CRYL1: variants seen among roughly 807,000 people sequenced by gnomAD.
CRYL1 encodes crystallin lambda 1, also known as lambda-crystallin homolog.
A neutral mutation model predicts 36.6 loss-of-function variants in CRYL1; 29 were observed. The observed-to-expected ratio is 0.79, with a 90% CI of 0.59 to 1.08. CRYL1 has a LOEUF of 1.08. Among genes scored for constraint, CRYL1 ranks in the 50% least tolerant of loss-of-function variants. The probability of loss-of-function intolerance (pLI) is 0.00; values close to 1 mark genes in which losing one functional copy is unlikely to be tolerated. For missense variants in CRYL1, 411 were observed against 407.9 expected, an observed-to-expected ratio of 1.01 and a Z score of -0.06; for synonymous variants, 152 against 151.5, an observed-to-expected ratio of 1.00 and a Z score of -0.02.
At chr13:20,445,274 G>A (rs557673871) in intron 3 of CRYL1, among the ~76,000 whole-genome samples, 2 of 152,098 alleles carry the variant, frequency 1.3e-5, no homozygotes, top group Non-Finnish European at 2.9e-5. Context: ...CAAAAGCACA[G>A]ACAAAATGGC....
rs573288170 is a variant in CRYL1, at chr13:20,410,325, T to C, written c.739+2957A>G. On this transcript the variant is annotated intron_variant, in intron 6 of 7. Transcript: ENST00000298248. ...GCATATTCTCACTCATAGGTGGGAA[T>C]TGAACAATGAGAACACATGAACACA... is the stretch of plus-strand genomic sequence containing the variant. Among the ~76,000 whole-genome samples the C allele has an allele frequency of 3.4e-3, 492 of 144,290 alleles. 3 individuals are homozygous for C. Among genetic ancestry groups the C allele is most frequent in the African/African-American group, 0.012 (474 of 38,808 alleles). The allele number at this position is 144,290 out of a possible 152,430, so 94.7% of individuals were successfully genotyped here. A position where few individuals can be genotyped will look rare whatever the true frequency, so the allele number is the denominator to read the frequency against.
chr13:20,507,320 A>G (rs1276246143), intron 2 of CRYL1, among the ~76,000 whole-genome samples: 1 of 152,222 alleles, frequency 6.6e-6, no homozygotes, highest in Non-Finnish European at 1.5e-5. Context: ...TTGGAATACA[A>G]CCACCTCTAT....
intron 4 of CRYL1, among the ~76,000 whole-genome samples, chr13:20,434,303 C>T (rs2137394198): frequency 6.6e-6 from 1 of 152,284 alleles, no homozygotes; most frequent in South Asian, 2.1e-4. Flanking sequence ...AGGAACTTTC[C>T]TGTCTTACAA....
In CRYL1 at chr13:20,483,457, C is replaced by T. The variant is rs143550543; in HGVS notation, c.276+5913G>A. Among the ~76,000 whole-genome samples the T allele has an allele frequency of 6.5e-3, 985 of 152,122 alleles. 7 individuals carry two copies. The highest frequency in any genetic ancestry group is 0.022 in the African/African-American group (928 of 41,512). On this transcript the variant is annotated intron_variant, in intron 3 of 7. Coordinates refer to ENST00000298248, the MANE Select transcript of CRYL1 (RefSeq NM_015974.3). ...CCATCTGGACTGACCATATCATCAACATGAAGTCAGCTTTCTCACTTGGAC... is the reference window on the plus strand; with the variant it reads ...CCATCTGGACTGACCATATCATCAATATGAAGTCAGCTTTCTCACTTGGAC...
At chr13:20,443,051 C>T (rs3897244) in intron 3 of CRYL1, among the ~76,000 whole-genome samples, 6 of 152,170 alleles carry the variant, frequency 3.9e-5, no homozygotes, top group African/African-American at 1.2e-4. Flanking sequence ...AGGGAAGAAA[C>T]GACATGATGC....
chr13:20,488,246 T>C (rs1298098669), intron 3 of CRYL1, among the ~76,000 whole-genome samples: 1 of 152,226 alleles, frequency 6.6e-6, no homozygotes, highest in Non-Finnish European at 1.5e-5. Context: ...ACTCCTCTTA[T>C]AGCACCTGCA....
rs73445932 is a variant in CRYL1, at chr13:20,482,850, T to C, written c.276+6520A>G. ...CTAAATAGTAATAATTTTCTTTTTA[T>C]AAGAAAACCACAGCAACATATTTTA... is the stretch of plus-strand genomic sequence containing the variant. On this transcript the variant is annotated intron_variant, in intron 3 of 7. Coordinates refer to ENST00000298248, the MANE Select transcript of CRYL1 (RefSeq NM_015974.3). Among the ~76,000 whole-genome samples, 481 of 152,280 alleles carry C rather than the reference T, an allele frequency of 3.2e-3. 1 individual carries two copies. Among genetic ancestry groups the C allele is most frequent in the African/African-American group, 0.01 (430 of 41,562 alleles).
intron 2 of CRYL1, among the ~76,000 whole-genome samples, chr13:20,497,404 CCACA>C (rs2033627714): frequency 7.2e-6 from 1 of 138,150 alleles, no homozygotes; most frequent in African/African-American, 2.6e-5. Flanking sequence ...ACACACACCA[CCACA>C]CACACAACTA....
rs372212492 is a variant in CRYL1, at chr13:20,516,806, T to C, written c.42-4256A>G. On this transcript the variant is annotated intron_variant, in intron 1 of 7. Transcript: ENST00000298248. ...AAAGATAATTTTGAACAGGCCTGGC[T>C]CACACCTGTAATTCCAGGACTTTGG... 7.6e-4 allele frequency among the ~76,000 whole-genome samples: 116 copies of C among 152,256 alleles called. 2 individuals are homozygous for C. In the South Asian group the frequency reaches 0.023, roughly 30 times the overall value.
In CRYL1 at chr13:20,403,918, C is replaced by T. The variant is rs754265555; in HGVS notation, c.*211G>A. Reference sequence around the variant, plus strand: ...GGCAGGAAATCGACAGCCCCGAGAACGCAAGTGCTGCTGTGCCGCCAGGCC... The same window carrying T: ...GGCAGGAAATCGACAGCCCCGAGAATGCAAGTGCTGCTGTGCCGCCAGGCC... On this transcript the variant is annotated 3_prime_UTR_variant, in exon 8 of 8. Coordinates refer to ENST00000298248, the MANE Select transcript of CRYL1 (RefSeq NM_015974.3). 2.0e-5 allele frequency: 8 copies of T among 400,936 alleles called. No homozygotes were observed. Among genetic ancestry groups the T allele is most frequent in the Non-Finnish European group, 3.1e-5 (7 of 225,710 alleles). 24.8% of individuals were successfully genotyped at this position (400,936 alleles called of 1,614,324 possible).
chr13:20,470,465 TTC>T (rs1196362542), intron 3 of CRYL1, among the ~76,000 whole-genome samples: 2 of 152,200 alleles, frequency 1.3e-5, no homozygotes, highest in Non-Finnish European at 2.9e-5. Flanking sequence ...TCTGAGGACT[TTC>T]TATTTTTCCA....
At chr13:20,440,227 T>A (rs2137403482) in intron 3 of CRYL1, among the ~76,000 whole-genome samples, 1 of 152,320 alleles carries the variant, frequency 6.6e-6, no homozygotes, top group East Asian at 1.9e-4. Flanking sequence ...TGTCTTGGGG[T>A]CTACACTTTC....
chr13:20,420,702 TG>T (rs1224435728), intron 5 of CRYL1, among the ~76,000 whole-genome samples: 38,942 of 93,234 alleles, frequency 0.42, 15,154 homozygotes, highest in East Asian at 0.63. Flanking sequence ...AAATAGAGGT[TG>T]TGTGTGTGTG....
chr13:20,420,702 T>TTTTTTTTTTTTTTTTTTTTTTTTG lies in CRYL1; in HGVS notation c.634-7316_634-7315insCAAAAAAAAAAAAAAAAAAAAAAA, dbSNP rs377096169. On this transcript the variant is annotated intron_variant, in intron 5 of 7. Coordinates refer to ENST00000298248, the MANE Select transcript of CRYL1 (RefSeq NM_015974.3). ...TTTGACTTTTCTTTAAAATAGAGGTTGTGTGTGTGTGTGTGTGTGTGTGTG... is the reference window on the plus strand; with the variant it reads ...TTTGACTTTTCTTTAAAATAGAGGTTTTTTTTTTTTTTTTTTTTTTTTTGGTGTGTGTGTGTGTGTGTGTGTGTG... Among the ~76,000 whole-genome samples, 2 of 93,282 alleles carry TTTTTTTTTTTTTTTTTTTTTTTTG rather than the reference T, an allele frequency of 2.1e-5. 1 individual carries two copies. The allele number at this position is 93,282 out of a possible 152,430, so 61.2% of individuals were successfully genotyped here.
chr13:20,473,014 A>G (rs954921288), intron 3 of CRYL1: 2 of 152,234 alleles, frequency 1.3e-5, no homozygotes, highest in African/African-American at 2.4e-5. Context: ...GGGGTCCAAG[A>G]TCCAGTCTCT....
intron 3 of CRYL1, among the ~76,000 whole-genome samples, chr13:20,483,614 A>C (rs2033326005): frequency 6.6e-6 from 1 of 152,128 alleles, no homozygotes; most frequent in Non-Finnish European, 1.5e-5. Flanking sequence ...ATCTCAGCTT[A>C]CTGCAACCTC....
At chr13:20,486,582 G>A (rs2033405685) in intron 3 of CRYL1, among the ~76,000 whole-genome samples, 1 of 151,874 alleles carries the variant, frequency 6.6e-6, no homozygotes, top group African/African-American at 2.4e-5. Context: ...TGGTACTGGA[G>A]GTACAACAAT....
rs2031633387 is a variant in CRYL1, at chr13:20,415,356, G to T, written c.634-1969C>A. 6.6e-6 allele frequency among the ~76,000 whole-genome samples: 1 copy of T among 152,092 alleles called. No individual in the cohort carries two copies. The highest frequency in any genetic ancestry group is 2.4e-5 in the African/African-American group (1 of 41,438). On this transcript the variant is annotated intron_variant, in intron 5 of 7. Coordinates refer to ENST00000298248, the MANE Select transcript of CRYL1 (RefSeq NM_015974.3). This position sits in a 1 kb window ranked among gnomAD's most constrained non-coding sequence, Gnocchi z 4.1. ...AGGGGTCCCCCGAGAAGCGAGAAAA[G>T]GGGTTCGAAACCCCCGCCGTGCCCC...
chr13:20,431,291 G>C (rs539140336), intron 5 of CRYL1: 1 of 985,398 alleles, frequency 1.0e-6, no homozygotes, highest in South Asian at 4.7e-5. Flanking sequence ...CAGATGACTC[G>C]AGCCCGAGCA....
Sources: gnomAD v4.1 joint callset for allele counts (sites outside exome capture counted in the v4.1 genomes callset) on GRCh38, gnomAD v4.1.1 for gene constraint, Gnocchi (gnomAD v3.1) non-coding constraint, MANE v1.5 for transcripts, NCBI Gene and HGNC (gene_info 2026-07-23, HGNC 2026-07-21) for gene names.